Variants in NALF1 observed in about 807,000 individuals in gnomAD.
NALF1 encodes family with sequence similarity 155 member A.
In NALF1, 3 loss-of-function variants were observed where a neutral mutation model predicts 48.4. That is an observed-to-expected ratio of 0.06 (90% CI 0.03 to 0.16). The LOEUF is 0.16. NALF1 is among the 10% of genes least tolerant of loss of function. The pLI is 1.00. For missense variants in NALF1, 526 were observed against 571.5 expected, an observed-to-expected ratio of 0.92 and a Z score of 0.81; for synonymous variants, 262 against 245.7, an observed-to-expected ratio of 1.07 and a Z score of -0.62.
intron 1 of NALF1, among the ~76,000 whole-genome samples, chr13:107,637,283 CTTTA>C (rs1263920728): frequency 2.6e-5 from 4 of 151,780 alleles, no homozygotes; most frequent in Non-Finnish European, 4.4e-5. Flanking sequence ...TTAAGGAAAA[CTTTA>C]TTTGTTAAGT....
intron 1 of NALF1, among the ~76,000 whole-genome samples, chr13:107,311,153 C>T (rs1663321662): frequency 6.6e-6 from 1 of 152,126 alleles, no homozygotes; most frequent in Admixed American, 6.6e-5. Context: ...TCTCCACTAT[C>T]AGTACTGTTT....
intron 2 of NALF1, among the ~76,000 whole-genome samples, chr13:107,182,076 C>T (rs775085702): frequency 9.2e-5 from 14 of 152,048 alleles, no homozygotes; most frequent in Admixed American, 3.3e-4. Flanking sequence ...AAGGACAACC[C>T]AACTCACTTG....
intron 1 of NALF1, among the ~76,000 whole-genome samples, chr13:107,223,951 C>T (rs1880046358): frequency 6.6e-6 from 1 of 152,004 alleles, no homozygotes; most frequent in Non-Finnish European, 1.5e-5. Context: ...GCTAAACATA[C>T]CATCAGAAAT....
chr13:107,523,359 A>G (rs1433160496), intron 1 of NALF1, among the ~76,000 whole-genome samples: 1 of 152,032 alleles, frequency 6.6e-6, no homozygotes, highest in African/African-American at 2.4e-5. Flanking sequence ...ACTGCACAAT[A>G]AGAAATTTTT....
At chr13:107,782,517 G>A (rs560461045) in intron 1 of NALF1, among the ~76,000 whole-genome samples, 213 of 150,004 alleles carry the variant, frequency 1.4e-3, no homozygotes, top group African/African-American at 4.8e-3. Flanking sequence ...GCCGCCCATC[G>A]TTTGGGATGT....
intron 1 of NALF1, among the ~76,000 whole-genome samples, chr13:107,594,012 C>T (rs1383645834): frequency 1.3e-5 from 2 of 151,884 alleles, no homozygotes; most frequent in East Asian, 1.9e-4. Flanking sequence ...TAAATAAAAC[C>T]TCCTTTATCA....
intron 1 of NALF1, among the ~76,000 whole-genome samples, chr13:107,659,771 A>C (rs1282486129): frequency 6.6e-6 from 1 of 152,008 alleles, no homozygotes; most frequent in Non-Finnish European, 1.5e-5. Flanking sequence ...AACCAATTAC[A>C]GGTGGTCCCT....
chr13:107,824,586 G>C (rs1309226229), intron 1 of NALF1, among the ~76,000 whole-genome samples: 1 of 152,146 alleles, frequency 6.6e-6, no homozygotes, highest in Non-Finnish European at 1.5e-5. Flanking sequence ...GGAAATTCTG[G>C]CCTGTACTAA....
chr13:107,658,536 G>A (rs1041555442), intron 1 of NALF1, among the ~76,000 whole-genome samples: 1 of 152,096 alleles, frequency 6.6e-6, no homozygotes, highest in African/African-American at 2.4e-5. Flanking sequence ...AATTGGTCTG[G>A]TTTAGACTGG....
intron 1 of NALF1, among the ~76,000 whole-genome samples, chr13:107,611,017 G>A (rs1321093436): frequency 6.6e-6 from 1 of 152,142 alleles, no homozygotes; most frequent in Non-Finnish European, 1.5e-5. Context: ...AAGAAGTAGA[G>A]GACAGGGAAA....
intron 1 of NALF1, among the ~76,000 whole-genome samples, chr13:107,593,231 C>A (rs1352504794): frequency 6.6e-6 from 1 of 151,870 alleles, no homozygotes; most frequent in Non-Finnish European, 1.5e-5. Flanking sequence ...TAATGCTGTA[C>A]ATTATTCTAA....
intron 1 of NALF1, among the ~76,000 whole-genome samples, chr13:107,804,405 A>AT (rs11447524): frequency 0.24 from 35,204 of 146,070 alleles, 4,502 homozygotes; most frequent in Middle Eastern, 0.36. Flanking sequence ...CTCAGAGGCC[A>AT]TTTTTTTTTT....
intron 1 of NALF1, among the ~76,000 whole-genome samples, chr13:107,813,321 G>A (rs1460703821): frequency 2.6e-5 from 4 of 152,114 alleles, no homozygotes; most frequent in Non-Finnish European, 1.5e-5. Flanking sequence ...GGTCTTGAAG[G>A]TGACTGGTTT....
At chr13:107,789,075 C>CG (rs1878156404) in intron 1 of NALF1, 1 of 152,056 alleles carries the variant, frequency 6.6e-6, no homozygotes, top group Admixed American at 6.6e-5. Flanking sequence ...ACCTCTCCCT[C>CG]GGGTTGCCGT....
chr13:107,704,279 AT>A (rs749928703), intron 1 of NALF1, among the ~76,000 whole-genome samples: 4 of 152,144 alleles, frequency 2.6e-5, no homozygotes, highest in Non-Finnish European at 4.4e-5. Flanking sequence ...GAAATGTATT[AT>A]TGAATTATTT....
At chr13:107,190,617 T>A (rs1325607219) in intron 2 of NALF1, among the ~76,000 whole-genome samples, 1 of 152,138 alleles carries the variant, frequency 6.6e-6, no homozygotes, top group East Asian at 1.9e-4. Context: ...AGAAACACAA[T>A]GATATTTTAA....
chr13:107,568,927 T>C (rs557011176), intron 1 of NALF1, among the ~76,000 whole-genome samples: 11 of 152,314 alleles, frequency 7.2e-5, no homozygotes, highest in Admixed American at 6.5e-4. Flanking sequence ...TTTTTTAAAA[T>C]ATTGATTAAA....
chr13:107,574,130 A>G (rs781577824), intron 1 of NALF1, among the ~76,000 whole-genome samples: 1 of 152,202 alleles, frequency 6.6e-6, no homozygotes, highest in Non-Finnish European at 1.5e-5. Context: ...AATATATGAC[A>G]TGCCTACTTC....
intron 1 of NALF1, among the ~76,000 whole-genome samples, chr13:107,780,030 CTT>C (rs35078173): frequency 0.02 from 2,745 of 134,046 alleles, 104 homozygotes; most frequent in Admixed American, 0.12. Flanking sequence ...CCAAGACATA[CTT>C]TTTTTTTTTT....
Sources: gnomAD v4.1 joint callset for allele counts (sites outside exome capture counted in the v4.1 genomes callset) on GRCh38, gnomAD v4.1.1 for gene constraint, MANE v1.5 for transcripts, NCBI Gene and HGNC (gene_info 2026-07-23, HGNC 2026-07-21) for gene names.